The following NRBF2 variants were observed in gnomAD, a reference collection of about 807,000 sequenced individuals.
NRBF2 encodes the protein nuclear receptor-binding factor 2.
NRBF2 carries 12 observed loss-of-function variants against 28.5 expected under a neutral mutation model. The observed-to-expected ratio is 0.42, with a 90% CI of 0.27 to 0.68. The LOEUF (loss-of-function observed/expected upper bound fraction) is 0.68, where lower values mean the gene tolerates loss of function less well. NRBF2 is among the 30% of genes least tolerant of loss of function. The pLI is 0.24. For synonymous variants in NRBF2, 102 were observed against 116.5 expected, an observed-to-expected ratio of 0.88 and a Z score of 0.80; for missense variants, 274 against 333.5, an observed-to-expected ratio of 0.82 and a Z score of 1.39.
chr10:63,148,211 G>A (rs1841594326), intron 2 of NRBF2, among the ~76,000 whole-genome samples: 1 of 152,180 alleles, frequency 6.6e-6, no homozygotes, highest in East Asian at 1.9e-4. Flanking sequence ...TAAAACTGAT[G>A]TTGGGCTTCA....
At chr10:63,143,749 ATTTT>A (rs35270148) in intron 1 of NRBF2, among the ~76,000 whole-genome samples, 2 of 115,980 alleles carry the variant, frequency 1.7e-5, no homozygotes. Context: ...ACCATGCCCG[ATTTT>A]TTTTTTTTTT....
chr10:63,147,497 A>AGAGACAGG (rs1841580465), intron 2 of NRBF2, among the ~76,000 whole-genome samples: 1 of 151,538 alleles, frequency 6.6e-6, no homozygotes, highest in Non-Finnish European at 1.5e-5. Flanking sequence ...GTATTTTTGT[A>AGAGACAGG]GAGACAGGGT....
At chr10:63,146,790 C>G (rs1294091997) in intron 2 of NRBF2, among the ~76,000 whole-genome samples, 1 of 152,056 alleles carries the variant, frequency 6.6e-6, no homozygotes, top group Non-Finnish European at 1.5e-5. Context: ...TTCTGAATAT[C>G]TCATCTCTAC....
In NRBF2 at chr10:63,154,133, A is replaced by G. The variant is rs748079502; in HGVS notation, c.779A>G (p.Asn260Ser). ...AAAGCCAAGGACATTCCAATCCCCA[A>G]TCTTCCTCCCTTGGATTTTCCATCT... ...TGKAKDIPIP[N>S]LPPLDFPSPE... Residue 260 changes from asparagine (N) to serine (S), a missense_variant, in exon 4 of 4, where the codon AAT becomes AGT. Physicochemically the swap from Asn to Ser is conservative, Grantham distance 46. Transcript: ENST00000277746. 11 of 1,613,664 alleles carry G rather than the reference A, an allele frequency of 6.8e-6. No homozygotes were observed. Among genetic ancestry groups the G allele is most frequent in the East Asian group, 4.5e-5 (2 of 44,896 alleles).
At chr10:63,148,436 G>C (rs1235743755) in intron 2 of NRBF2, among the ~76,000 whole-genome samples, 2 of 152,186 alleles carry the variant, frequency 1.3e-5, no homozygotes, top group Non-Finnish European at 2.9e-5. Flanking sequence ...GTCTTGGAAG[G>C]TATGGGTTAG....
rs1195606695 is a variant in NRBF2 at position 63,154,734 on chromosome 10, A to G, written c.*516A>G. Reference sequence around the variant, plus strand: ...GATACACACCCTTCTAGATGAAACTATATGTGCCACACTTTGCACTACTCA... The same window carrying G: ...GATACACACCCTTCTAGATGAAACTGTATGTGCCACACTTTGCACTACTCA... On this transcript the variant is annotated 3_prime_UTR_variant, in exon 4 of 4. Coordinates refer to ENST00000277746, the MANE Select transcript of NRBF2 (RefSeq NM_030759.5). The G allele has an allele frequency of 1.3e-5, 2 of 150,716 alleles. No individual in the cohort carries two copies. Among genetic ancestry groups the G allele is most frequent in the Non-Finnish European group, 3.0e-5 (2 of 67,524 alleles). The allele number at this position is 150,716 out of a possible 1,614,324, so 9.3% of individuals were successfully genotyped here. A position where few individuals can be genotyped will look rare whatever the true frequency, so the allele number is the denominator to read the frequency against.
At chr10:63,142,787 T>C (rs1245731910) in intron 1 of NRBF2, among the ~76,000 whole-genome samples, 5 of 131,420 alleles carry the variant, frequency 3.8e-5, no homozygotes, top group African/African-American at 1.4e-4. Flanking sequence ...TTTCTTTTTT[T>C]TTTTTTTTTT....
intron 2 of NRBF2, among the ~76,000 whole-genome samples, chr10:63,147,611 C>CT (rs56136949): frequency 0.49 from 66,171 of 134,000 alleles, 16,697 homozygotes; most frequent in South Asian, 0.57. Flanking sequence ...TGCTCTCAGC[C>CT]TTTTTTTTTT....
At chr10:63,142,776 C>CTTTTTTTTTTTTTTTTTTTTTT (rs1202067005) in intron 1 of NRBF2, among the ~76,000 whole-genome samples, 1 of 26,500 alleles carries the variant, frequency 3.8e-5, no homozygotes, top group African/African-American at 1.4e-4. Flanking sequence ...TTCTTTCTTT[C>CTTTTTTTTTTTTTTTTTTTTTT]TTTCTTTTTT....
Position 63,133,344 on chromosome 10 carries a change from T to C in NRBF2, c.-127T>C, listed in dbSNP as rs1276219319. The C allele has an allele frequency of 3.6e-6, 4 of 1,126,628 alleles. No individual in the cohort carries two copies. Among genetic ancestry groups the C allele is most frequent in the Non-Finnish European group, 5.2e-6 (4 of 772,070 alleles). 69.8% of individuals were successfully genotyped at this position (1,126,628 alleles called of 1,614,324 possible). On this transcript the variant is annotated 5_prime_UTR_variant, in exon 1 of 4. Coordinates refer to ENST00000277746, the MANE Select transcript of NRBF2 (RefSeq NM_030759.5). The stretch of plus-strand genomic sequence containing the variant: ...GAGGTTGTTGCTCCTTCAGCGCCTA[T>C]CGCTGGCTCTTGGGGCGCAGAGAGG...
intron 3 of NRBF2, among the ~76,000 whole-genome samples, chr10:63,152,502 C>T (rs1037634309): frequency 5.3e-5 from 8 of 152,204 alleles, no homozygotes; most frequent in African/African-American, 1.9e-4. Context: ...TGATCATTAG[C>T]TTACAGTCAG....
At chr10:63,143,265 G>A (rs768281164) in intron 1 of NRBF2, among the ~76,000 whole-genome samples, 1 of 152,158 alleles carries the variant, frequency 6.6e-6, no homozygotes, top group Non-Finnish European at 1.5e-5. Flanking sequence ...CAAACAGCAA[G>A]GCATTGCTGG....
intron 1 of NRBF2, among the ~76,000 whole-genome samples, chr10:63,134,059 A>C (rs1841337037): frequency 6.8e-6 from 1 of 146,024 alleles, no homozygotes; most frequent in East Asian, 2.3e-4. Flanking sequence ...ACATGCATAA[A>C]CTGAGTCTAC....
At chr10:63,149,351 G>GA (rs1393555542) in intron 2 of NRBF2, among the ~76,000 whole-genome samples, 4 of 152,200 alleles carry the variant, frequency 2.6e-5, no homozygotes, top group Non-Finnish European at 4.4e-5. Flanking sequence ...TTACAGGCGT[G>GA]AGCCACTGTG....
At chr10:63,137,992 A>T (rs1444351956) in intron 1 of NRBF2, among the ~76,000 whole-genome samples, 2 of 152,158 alleles carry the variant, frequency 1.3e-5, no homozygotes, top group African/African-American at 2.4e-5. Context: ...TATTTTAAAG[A>T]TGAAGACTTT....
chr10:63,139,165 A>G (rs899792788), intron 1 of NRBF2, among the ~76,000 whole-genome samples: 1 of 152,062 alleles, frequency 6.6e-6, no homozygotes, highest in Non-Finnish European at 1.5e-5. Flanking sequence ...GCGTGCCATC[A>G]TGCCTGGCTA....
At chr10:63,142,780 C>CTTTCTTTTTTTTTTTTTTTTTTTTTTTT (rs1554821458) in intron 1 of NRBF2, among the ~76,000 whole-genome samples, 1 of 74,898 alleles carries the variant, frequency 1.3e-5, no homozygotes, top group African/African-American at 5.8e-5. Flanking sequence ...TTCTTTCTTT[C>CTTTCTTTTTTTTTTTTTTTTTTTTTTTT]TTTTTTTTTT....
At chr10:63,133,894 A>G (rs1359642190) in intron 1 of NRBF2, among the ~76,000 whole-genome samples, 3 of 151,704 alleles carry the variant, frequency 2.0e-5, no homozygotes, top group Non-Finnish European at 4.4e-5. Context: ...TTCTAGCAGC[A>G]GGGTCTGAGT....
chr10:63,153,453 G>T (rs1462597608), intron 3 of NRBF2, 58 bp from the exon 4 acceptor site: 1 of 1,289,234 alleles, frequency 7.8e-7, no homozygotes, highest in Non-Finnish European at 1.1e-6. Flanking sequence ...GTGTATGTTG[G>T]ACATTACTAA....
Sources: allele counts gnomAD v4.1 joint callset (sites outside exome capture counted in the v4.1 genomes callset), GRCh38; gene constraint gnomAD v4.1.1; transcripts MANE v1.5; gene names NCBI Gene and HGNC (gene_info 2026-07-23, HGNC 2026-07-21).